Variants in TANK observed in about 807,000 individuals in gnomAD.
TANK encodes TRAF family member associated NFKB activator.
TANK carries 15 observed loss-of-function variants against 43.6 expected under a neutral mutation model. The ratio of observed to expected loss-of-function variants is 0.34; its 90% CI spans 0.23 to 0.53. TANK has a LOEUF of 0.53. Ranked by LOEUF, TANK falls within the 20% of genes least tolerant of loss-of-function variation. The pLI, the probability that TANK is intolerant of heterozygous loss-of-function variation, is 0.94. For synonymous variants in TANK, 162 were observed against 178.2 expected, an observed-to-expected ratio of 0.91 and a Z score of 0.73; for missense variants, 417 against 498.6, an observed-to-expected ratio of 0.84 and a Z score of 1.56.
At chr2:161,154,475 T>G (rs1230780849) in intron 1 of TANK, among the ~76,000 whole-genome samples, 1 of 152,034 alleles carries the variant, frequency 6.6e-6, no homozygotes, top group Non-Finnish European at 1.5e-5. Flanking sequence ...CAACATAGAA[T>G]CTGACAAGGG....
intron 7 of TANK, among the ~76,000 whole-genome samples, chr2:161,234,056 A>G (rs1377389474): frequency 6.6e-6 from 1 of 152,196 alleles, no homozygotes; most frequent in Non-Finnish European, 1.5e-5. Flanking sequence ...CAGCATTATT[A>G]TAAGTCCTCC....
At chr2:161,208,542 A>G (rs765547059) in intron 4 of TANK, among the ~76,000 whole-genome samples, 2 of 152,194 alleles carry the variant, frequency 1.3e-5, no homozygotes, top group Non-Finnish European at 2.9e-5. Context: ...CTTAGGGCTT[A>G]GAACGACAAA....
intron 1 of TANK, chr2:161,139,699 T>A (rs751888315): frequency 2.0e-6 from 2 of 985,438 alleles, no homozygotes; most frequent in East Asian, 2.3e-4. Flanking sequence ...ACCTCTTCTC[T>A]ATTATTTTGG....
intron 6 of TANK, 40 bp from the exon 7 acceptor site, chr2:161,230,931 T>A: frequency 6.8e-7 from 1 of 1,478,282 alleles, no homozygotes; most frequent in Non-Finnish European, 9.4e-7. Context: ...TTTAATGATT[T>A]GAATGCGGCT....
intron 1 of TANK, among the ~76,000 whole-genome samples, chr2:161,177,056 T>A (rs1026406426): frequency 6.6e-6 from 1 of 152,164 alleles, no homozygotes; most frequent in Admixed American, 6.6e-5. Flanking sequence ...TGAAGCAGTG[T>A]CTAAAATACT....
In TANK at chr2:161,163,454, G is replaced by A. The variant is rs914896178; in HGVS notation, c.-50+2968G>A. On this transcript the variant is annotated intron_variant, in intron 1 of 7. Coordinates refer to ENST00000392749, the MANE Select transcript of TANK (RefSeq NM_001199135.3). ...TCATGGACAAGGAAAAATGCTGTAG[G>A]TAGGCTGAGGCTGTTAAGTAAAATG... 4 of 152,124 alleles carry A rather than the reference G, an allele frequency of 2.6e-5. 1 individual carries two copies. The highest frequency in any genetic ancestry group is 9.7e-5 in the African/African-American group (4 of 41,424). The allele number at this position is 152,124 out of a possible 1,614,324, so 9.4% of individuals were successfully genotyped here.
At chr2:161,190,462 C>T (rs1312977125) in intron 2 of TANK, among the ~76,000 whole-genome samples, 2 of 152,116 alleles carry the variant, frequency 1.3e-5, no homozygotes, top group Non-Finnish European at 2.9e-5. Flanking sequence ...GTTACATACC[C>T]AGAAGAAGTG....
rs966305034 is a variant in TANK at position 161,199,441 on chromosome 2, C to CA, written c.100-4036dup. On this transcript the variant is annotated intron_variant, in intron 2 of 7. Transcript: ENST00000392749. Reference sequence around the variant, plus strand: ...TAAGAAATAAGTGCCTTGGAAAATACAAAAAAAAAATGTTCAATACCAGCA... The same window carrying CA: ...TAAGAAATAAGTGCCTTGGAAAATACAAAAAAAAAAATGTTCAATACCAGCA... Among the ~76,000 whole-genome samples, 1,088 of 143,986 alleles carry CA rather than the reference C, an allele frequency of 7.6e-3. 6 individuals are homozygous for CA. The highest frequency in any genetic ancestry group is 0.02 in the African/African-American group (773 of 39,448). The allele number at this position is 143,986 out of a possible 152,430, so 94.5% of individuals were successfully genotyped here.
intron 2 of TANK, among the ~76,000 whole-genome samples, chr2:161,195,666 G>C (rs146363881): frequency 6.3e-4 from 96 of 152,212 alleles, no homozygotes; most frequent in African/African-American, 2.1e-3. Flanking sequence ...AAAAAGTATG[G>C]AGTAATATGA....
intron 2 of TANK, among the ~76,000 whole-genome samples, chr2:161,191,081 C>G (rs548603536): frequency 1.3e-5 from 2 of 152,066 alleles, no homozygotes; most frequent in South Asian, 4.1e-4. Flanking sequence ...CACATCAGTT[C>G]TTCTCTCAGT....
At chr2:161,188,839 T>G (rs1685784420) in intron 2 of TANK, among the ~76,000 whole-genome samples, 1 of 152,218 alleles carries the variant, frequency 6.6e-6, no homozygotes, top group Non-Finnish European at 1.5e-5. Context: ...CTTTAAGAGA[T>G]GATTAGGCCA....
At chr2:161,176,655 A>G (rs1685186293) in intron 1 of TANK, among the ~76,000 whole-genome samples, 1 of 152,182 alleles carries the variant, frequency 6.6e-6, no homozygotes, top group South Asian at 2.1e-4. Flanking sequence ...CTGTAGAAAA[A>G]GGAAGTTTCT....
At chr2:161,182,116 C>T (rs764974569) in intron 2 of TANK, among the ~76,000 whole-genome samples, 16 of 151,506 alleles carry the variant, frequency 1.1e-4, no homozygotes, top group Non-Finnish European at 2.2e-4. Context: ...TAAGGCATAA[C>T]CATTTTTATT....
chr2:161,161,324 G>A (rs1353821736), intron 1 of TANK: 1 of 1,550,564 alleles, frequency 6.4e-7, no homozygotes, highest in African/African-American at 1.4e-5. Context: ...AGAGATGGTA[G>A]TAAAGGAAGT....
At chr2:161,216,523 A>G (rs1260981822) in intron 4 of TANK, 8 of 412,076 alleles carry the variant, frequency 1.9e-5, no homozygotes, top group Non-Finnish European at 3.9e-5. Context: ...ATAAATGTTC[A>G]TTCCCCTTTG....
chr2:161,198,554 T>C (rs775502290), intron 2 of TANK, among the ~76,000 whole-genome samples: 2 of 152,224 alleles, frequency 1.3e-5, no homozygotes, highest in African/African-American at 4.8e-5. Context: ...CCCACGGCTG[T>C]GGATATTATT....
chr2:161,227,047 A>G (rs1559008698), intron 6 of TANK: 1 of 147,882 alleles, frequency 6.8e-6, no homozygotes, highest in Non-Finnish European at 1.5e-5. Flanking sequence ...CTATTTGCTC[A>G]CCTGATCATG....
chr2:161,156,601 A>C (rs1024969931), upstream of TANK, among the ~76,000 whole-genome samples: 1 of 152,210 alleles, frequency 6.6e-6, no homozygotes, highest in Non-Finnish European at 1.5e-5. Flanking sequence ...GCCTTGTGTC[A>C]ACCTTACTAC....
chr2:161,151,208 G>A (rs905031383), intron 1 of TANK, among the ~76,000 whole-genome samples: 4 of 152,026 alleles, frequency 2.6e-5, no homozygotes, highest in Non-Finnish European at 4.4e-5. Context: ...ATCTATCCTG[G>A]AGAAGATTTC....
Sources: gnomAD v4.1 joint callset for allele counts (sites outside exome capture counted in the v4.1 genomes callset) on GRCh38, gnomAD v4.1.1 for gene constraint, MANE v1.5 for transcripts, NCBI Gene and HGNC (gene_info 2026-07-23, HGNC 2026-07-21) for gene names.